Variants in WWOX observed in about 807,000 individuals in gnomAD.
WWOX encodes the protein WW domain-containing oxidoreductase.
WWOX carries 69 observed loss-of-function variants against 46.2 expected under a neutral mutation model. The observed-to-expected ratio is 1.49, with a 90% CI of 1.23 to 1.82. The LOEUF (loss-of-function observed/expected upper bound fraction) is 1.82, where lower values mean the gene tolerates loss of function less well. Ranked by LOEUF, WWOX falls within the 40% of genes most tolerant of loss-of-function variation. WWOX has a pLI of 0.00. For missense variants in WWOX, 919 were observed against 542.6 expected (o/e 1.69, Z -6.89); for synonymous variants, 359 against 202.6 (o/e 1.77, Z -6.56).
intron 8 of WWOX, among the ~76,000 whole-genome samples, chr16:79,180,046 A>G (rs531137322): frequency 6.6e-6 from 1 of 151,798 alleles, no homozygotes; most frequent in Non-Finnish European, 1.5e-5. Context: ...TGAGGTTTCC[A>G]CTGAGTTGCT....
intron 6 of WWOX, among the ~76,000 whole-genome samples, chr16:78,415,258 G>C (rs1300747707): frequency 2.2e-4 from 33 of 152,054 alleles, no homozygotes; most frequent in Admixed American, 2.2e-3. Context: ...TGTGTACACT[G>C]TCATGGTGCT....
At chr16:78,320,708 AC>A (rs2080448709) in intron 5 of WWOX, among the ~76,000 whole-genome samples, 1 of 152,184 alleles carries the variant, frequency 6.6e-6, no homozygotes, top group Non-Finnish European at 1.5e-5. Flanking sequence ...GATGTTTCTA[AC>A]CATCTGTTTC....
chr16:78,260,884 C>A, intron 5 of WWOX, among the ~76,000 whole-genome samples: 1 of 146,442 alleles, frequency 6.8e-6, no homozygotes, highest in East Asian at 2.0e-4. Flanking sequence ...TTGCAGTGAG[C>A]CGAGATCACA....
chr16:79,024,042 C>A (rs923374314), intron 8 of WWOX, among the ~76,000 whole-genome samples: 11 of 152,090 alleles, frequency 7.2e-5, no homozygotes, highest in African/African-American at 2.7e-4. Flanking sequence ...TACAAAGTAC[C>A]TAGAATAGGC....
intron 8 of WWOX, among the ~76,000 whole-genome samples, chr16:79,003,649 TAGC>T (rs2047137121): frequency 6.6e-6 from 1 of 152,140 alleles, no homozygotes; most frequent in African/African-American, 2.4e-5. Flanking sequence ...TTTGTCAGGT[TAGC>T]AGGGCAGGGA....
In WWOX at chr16:79,074,409, C is replaced by CTTTTTTTTTTTTTTTTTTTTTTTTTT. The variant is rs60074156; in HGVS notation, c.1057-137191_1057-137166dup. On this transcript the variant is annotated intron_variant, in intron 8 of 8. Transcript: ENST00000566780. ...CATCCTGACTGAAATGTCACTAGTC[C>CTTTTTTTTTTTTTTTTTTTTTTTTTT]TTTTTTTTTTTTTTTTTTTTTTTTT... Among the ~76,000 whole-genome samples, 23 of 30,988 alleles carry CTTTTTTTTTTTTTTTTTTTTTTTTTT rather than the reference C, an allele frequency of 7.4e-4. 3 individuals carry two copies. The highest frequency in any genetic ancestry group is 2.8e-3 in the East Asian group (2 of 726). The allele number at this position is 30,988 out of a possible 152,430, so 20.3% of individuals were successfully genotyped here. A position where few individuals can be genotyped will look rare whatever the true frequency, so the allele number is the denominator to read the frequency against.
chr16:79,138,978 A>G (rs958384901), intron 8 of WWOX, among the ~76,000 whole-genome samples: 1 of 152,106 alleles, frequency 6.6e-6, no homozygotes, highest in East Asian at 1.9e-4. Flanking sequence ...CCATCCACAC[A>G]TATAACTCCC....
chr16:78,892,284 A>T (rs1330165571), intron 8 of WWOX: 1 of 152,220 alleles, frequency 6.6e-6, no homozygotes, highest in African/African-American at 2.4e-5. Flanking sequence ...GATGAACCAC[A>T]TGCTAAAATA....
chr16:78,906,162 A>C (rs1658743329), intron 8 of WWOX, among the ~76,000 whole-genome samples: 1 of 152,176 alleles, frequency 6.6e-6, no homozygotes, highest in Non-Finnish European at 1.5e-5. Context: ...GCGAAACCTC[A>C]GCCATCTAGG....
rs369920994 is a variant in WWOX at position 78,709,283 on chromosome 16, C to G, written c.1056+276531C>G. On this transcript the variant is annotated intron_variant, in intron 8 of 8. Coordinates refer to ENST00000566780, the MANE Select transcript of WWOX (RefSeq NM_016373.4). ...GCCTGCGGGAGACAAAATAACAGTT[C>G]ATCTGGAAAACAAGATTAACTCATT... 1.7e-4 allele frequency among the ~76,000 whole-genome samples: 26 copies of G among 152,258 alleles called. 3 individuals carry two copies. The highest frequency in any genetic ancestry group is 5.8e-4 in the African/African-American group (24 of 41,552).
At chr16:78,103,087 G>A (rs574222829) in intron 1 of WWOX, among the ~76,000 whole-genome samples, 126 of 152,206 alleles carry the variant, frequency 8.3e-4, no homozygotes, top group African/African-American at 2.8e-3. Context: ...TGCCCCCTGC[G>A]CCTGCCTTCC....
rs182453641 is a variant in WWOX, at chr16:78,856,819, G to C, written c.1057-354789G>C. Among the ~76,000 whole-genome samples, 64 of 152,244 alleles carry C rather than the reference G, an allele frequency of 4.2e-4. No individual in the cohort carries two copies. The Middle Eastern group carries it at 0.01, about 24-fold the overall frequency. ...TACAGTCATCATTGCTTAGAGAGGA[G>C]GTTGTGTTCTGAGAAATGCTTCGTT... On this transcript the variant is annotated intron_variant, in intron 8 of 8. Coordinates refer to ENST00000566780, the MANE Select transcript of WWOX (RefSeq NM_016373.4).
chr16:78,518,322 C>T (rs1243834814), intron 8 of WWOX, among the ~76,000 whole-genome samples: 1 of 152,124 alleles, frequency 6.6e-6, no homozygotes, highest in Non-Finnish European at 1.5e-5. Context: ...GCCTCCGCCT[C>T]CTGGGATCAA....
intron 8 of WWOX, among the ~76,000 whole-genome samples, chr16:79,193,319 G>A (rs1335517694): frequency 6.6e-6 from 1 of 152,228 alleles, no homozygotes; most frequent in Non-Finnish European, 1.5e-5. Flanking sequence ...TTTGTTGTCT[G>A]CACAGAAGAT....
intron 6 of WWOX, 32 bp from the exon 7 acceptor site, chr16:78,424,838 G>C: frequency 6.2e-7 from 1 of 1,613,348 alleles, no homozygotes; most frequent in Non-Finnish European, 8.5e-7. Context: ...TAGTGTTTAT[G>C]TCCACATCAC....
intron 8 of WWOX, among the ~76,000 whole-genome samples, chr16:78,851,459 G>T (rs1301993472): frequency 6.6e-6 from 1 of 152,166 alleles, no homozygotes; most frequent in Non-Finnish European, 1.5e-5. Context: ...TTAAAGCAAA[G>T]GTCATTGCCT....
chr16:79,212,186 C>T lies in WWOX; in HGVS notation c.*390C>T, dbSNP rs753872003. 64 of 1,469,148 alleles carry T rather than the reference C, an allele frequency of 4.4e-5. No homozygotes were observed. The highest frequency in any genetic ancestry group is 5.5e-5 in the Non-Finnish European group (62 of 1,117,766). 91.0% of individuals were successfully genotyped at this position (1,469,148 alleles called of 1,614,324 possible). On this transcript the variant is annotated 3_prime_UTR_variant, in exon 9 of 9. Transcript: ENST00000566780. ...CCACGGCCACCACTGCAGCCGGGGG[C>T]TGGCCTTCTCCTACTTAGGGAAGAA... is the stretch of plus-strand genomic sequence containing the variant.
At chr16:78,878,692 T>C (rs2044281339) in intron 8 of WWOX, among the ~76,000 whole-genome samples, 1 of 152,082 alleles carries the variant, frequency 6.6e-6, no homozygotes, top group Non-Finnish European at 1.5e-5. Context: ...ATTTCCTTTA[T>C]AGACCCCTTT....
intron 8 of WWOX, among the ~76,000 whole-genome samples, chr16:79,067,897 T>A (rs1302198512): frequency 6.6e-6 from 1 of 152,200 alleles, no homozygotes; most frequent in Non-Finnish European, 1.5e-5. Context: ...GCTAGCCTCC[T>A]GAGAGGGCGT....
Sources: gnomAD v4.1 joint callset for allele counts (sites outside exome capture counted in the v4.1 genomes callset) on GRCh38, gnomAD v4.1.1 for gene constraint, MANE v1.5 for transcripts, NCBI Gene and HGNC (gene_info 2026-07-23, HGNC 2026-07-21) for gene names.